PTPRN2: variants seen among roughly 807,000 people sequenced by gnomAD.
PTPRN2 encodes the protein protein tyrosine phosphatase receptor type N2.
A neutral mutation model predicts 118.8 loss-of-function variants in PTPRN2; 74 were observed. The observed-to-expected ratio is 0.62, with a 90% CI of 0.52 to 0.76. PTPRN2 has a LOEUF of 0.76. PTPRN2 is among the 30% of genes least tolerant of loss of function. The pLI, the probability that PTPRN2 is intolerant of heterozygous loss-of-function variation, is 0.00. For missense variants in PTPRN2, 1,481 were observed against 1,394.4 expected (o/e 1.06, Z -0.99); for synonymous variants, 641 against 608.0 (o/e 1.05, Z -0.80).
chr7:158,511,954 A>G (rs2091718), intron 1 of PTPRN2, among the ~76,000 whole-genome samples: 28,553 of 152,168 alleles, frequency 0.19, 3,175 homozygotes, highest in East Asian at 0.41. Context: ...GGCTATTTCT[A>G]TGTTACTGTA....
intron 12 of PTPRN2, among the ~76,000 whole-genome samples, chr7:157,726,629 G>A (rs1457207669): frequency 6.6e-6 from 1 of 152,186 alleles, no homozygotes; most frequent in Non-Finnish European, 1.5e-5. Flanking sequence ...AAAAACACAG[G>A]CACAAAAGAA....
chr7:157,881,221 G>A lies in PTPRN2; in HGVS notation c.1788+17452C>T, dbSNP rs1175268768. Among the ~76,000 whole-genome samples the A allele has an allele frequency of 6.8e-6, 1 of 147,456 alleles. No homozygotes were observed. The highest frequency in any genetic ancestry group is 1.5e-5 in the Non-Finnish European group (1 of 66,652). Reference sequence around the variant, plus strand: ...GTATGTGGAGATGGGGGTGTTTACAGTAGTCATTATGGTAAAATGAGGTCA... The same window carrying A: ...GTATGTGGAGATGGGGGTGTTTACAATAGTCATTATGGTAAAATGAGGTCA... On this transcript the variant is annotated intron_variant, in intron 12 of 22. Transcript: ENST00000389418. The surrounding 1 kb of genome is among the most constrained non-coding windows in gnomAD (Gnocchi z 4.7).
At chr7:158,058,126 C>G (rs943511468) in intron 11 of PTPRN2, among the ~76,000 whole-genome samples, 5 of 152,242 alleles carry the variant, frequency 3.3e-5, no homozygotes, top group Non-Finnish European at 5.9e-5. Context: ...TCACTACACT[C>G]CATCTGCGCA....
intron 2 of PTPRN2, among the ~76,000 whole-genome samples, chr7:158,320,648 G>A (rs149938461): frequency 2.0e-5 from 3 of 152,246 alleles, no homozygotes; most frequent in African/African-American, 7.2e-5. Context: ...TCATAGGTGT[G>A]TATCGGTATC....
rs1585052121 is a variant in PTPRN2 at position 157,575,947 on chromosome 7, C to A, written c.2783+666G>T. Among the ~76,000 whole-genome samples, 3 of 152,318 alleles carry A rather than the reference C, an allele frequency of 2.0e-5. No homozygotes were observed. In the South Asian group the frequency reaches 6.2e-4, roughly 32 times the overall value. ...ACTAAGCACCACCACCTAGCCAATG[C>A]GGACCGACTGTTTACCACAATCAAA... On this transcript the variant is annotated intron_variant, in intron 19 of 22. Transcript: ENST00000389418.
At chr7:158,302,520 A>G (rs772531986) in intron 3 of PTPRN2, among the ~76,000 whole-genome samples, 1 of 152,218 alleles carries the variant, frequency 6.6e-6, no homozygotes, top group Non-Finnish European at 1.5e-5. Context: ...GTTACCCCAG[A>G]TCACCCCCAG....
chr7:157,685,661 ACGCTCCGC>A (rs2150818364), intron 12 of PTPRN2, among the ~76,000 whole-genome samples: 1 of 152,200 alleles, frequency 6.6e-6, no homozygotes, highest in East Asian at 1.9e-4. Context: ...GACCCTCGAC[ACGCTCCGC>A]ACGCGCGGGA....
At chr7:157,758,579 C>G (rs1008603628) in intron 12 of PTPRN2, among the ~76,000 whole-genome samples, 2 of 152,228 alleles carry the variant, frequency 1.3e-5, no homozygotes, top group Non-Finnish European at 2.9e-5. Flanking sequence ...GGGAAGGCTG[C>G]GTGCGCGGGG....
intron 11 of PTPRN2, among the ~76,000 whole-genome samples, chr7:157,975,764 T>G (rs1802699936): frequency 6.6e-6 from 1 of 152,154 alleles, no homozygotes; most frequent in African/African-American, 2.4e-5. Flanking sequence ...CCTTTTTTTT[T>G]TTCCATTGCA....
At chr7:157,913,615 C>T (rs768432896) in intron 11 of PTPRN2, among the ~76,000 whole-genome samples, 47 of 152,200 alleles carry the variant, frequency 3.1e-4, no homozygotes, top group Admixed American at 1.2e-3. Flanking sequence ...TAATATTTAG[C>T]AAATGTTTTT....
intron 2 of PTPRN2, among the ~76,000 whole-genome samples, chr7:158,362,702 C>T (rs1586462706): frequency 4.8e-5 from 1 of 20,622 alleles, no homozygotes; most frequent in African/African-American, 1.4e-4. Flanking sequence ...TTGTCCATCA[C>T]AACCACGCTC....
intron 9 of PTPRN2, among the ~76,000 whole-genome samples, chr7:158,120,445 T>A (rs2150391710): frequency 6.6e-6 from 1 of 152,308 alleles, no homozygotes; most frequent in East Asian, 1.9e-4. Context: ...CAAGGCAGTG[T>A]ACCAGCCTTC....
intron 9 of PTPRN2, among the ~76,000 whole-genome samples, chr7:158,114,657 T>C (rs1816577804): frequency 6.6e-6 from 1 of 151,862 alleles, no homozygotes; most frequent in South Asian, 2.1e-4. Flanking sequence ...GTAAAGAATA[T>C]GCATTAAAAA....
chr7:157,747,285 C>T (rs1388806695), intron 12 of PTPRN2, among the ~76,000 whole-genome samples: 1 of 133,482 alleles, frequency 7.5e-6, no homozygotes, highest in Admixed American at 7.5e-5. Context: ...GATTCTGAGG[C>T]CTGCGTCTCT....
intron 3 of PTPRN2, among the ~76,000 whole-genome samples, chr7:158,285,932 C>G (rs1367026265): frequency 3.3e-5 from 5 of 150,268 alleles, no homozygotes; most frequent in Non-Finnish European, 7.4e-5. Flanking sequence ...TCCAGCCACA[C>G]AGAGGTGTCT....
At chr7:158,572,502 C>T (rs1170505351) in intron 1 of PTPRN2, among the ~76,000 whole-genome samples, 1 of 152,180 alleles carries the variant, frequency 6.6e-6, no homozygotes, top group Non-Finnish European at 1.5e-5. Flanking sequence ...TTTCTGGGTG[C>T]AGCCTGCTGG....
intron 2 of PTPRN2, among the ~76,000 whole-genome samples, chr7:158,400,888 C>T (rs1652507857): frequency 6.6e-6 from 1 of 152,092 alleles, no homozygotes; most frequent in African/African-American, 2.4e-5. Flanking sequence ...CAGCAGCCCC[C>T]GTCCCACCCC....
intron 15 of PTPRN2, chr7:157,614,112 G>T (rs768930195): frequency 8.1e-5 from 38 of 466,318 alleles, no homozygotes; most frequent in Non-Finnish European, 1.2e-4. Context: ...GTGGGAGGAG[G>T]AAAAAGGAGG....
At chr7:157,993,908 A>G (rs1388814483) in intron 11 of PTPRN2, among the ~76,000 whole-genome samples, 2 of 152,136 alleles carry the variant, frequency 1.3e-5, no homozygotes, top group Non-Finnish European at 2.9e-5. Flanking sequence ...GTGGCCCCCC[A>G]TGCACTGAGC....
Sources: allele counts gnomAD v4.1 joint callset (sites outside exome capture counted in the v4.1 genomes callset), GRCh38; gene constraint gnomAD v4.1.1; non-coding constraint Gnocchi (gnomAD v3.1); transcripts MANE v1.5; gene names NCBI Gene and HGNC (gene_info 2026-07-23, HGNC 2026-07-21).